KIAA2012: variants seen among roughly 807,000 people sequenced by gnomAD.
KIAA2012 encodes KIAA2012.
In KIAA2012, 125 loss-of-function variants were observed where a neutral mutation model predicts 150.6. That is an observed-to-expected ratio of 0.83 (90% CI 0.72 to 0.96). KIAA2012 has a LOEUF of 0.96. KIAA2012 is among the 40% of genes least tolerant of loss of function. The pLI is 0.00. For missense variants in KIAA2012, 1,219 were observed against 1,354.9 expected (o/e 0.90, Z 1.57); for synonymous variants, 462 against 504.7 (o/e 0.92, Z 1.13).
chr2:202,200,470 C>A (rs1014367636), intron 22 of KIAA2012, among the ~76,000 whole-genome samples: 1 of 151,866 alleles, frequency 6.6e-6, no homozygotes, highest in African/African-American at 2.4e-5. Context: ...TTATGAAAGA[C>A]TAGTTAAAAG....
chr2:202,113,763 A>G lies in KIAA2012; in HGVS notation c.1762+317A>G, dbSNP rs571528430. The stretch of plus-strand genomic sequence containing the variant: ...CTTTTGGTATTTGCCCAAACTAAAC[A>G]CTGCCTTTTCTCTTCTTTCCAACCA... On this transcript the variant is annotated intron_variant, in intron 11 of 23. Coordinates refer to ENST00000498697, the MANE Select transcript of KIAA2012 (RefSeq NM_001277372.4). 10 of 253,268 alleles carry G rather than the reference A, an allele frequency of 3.9e-5. No individual in the cohort carries two copies. In the South Asian group the frequency reaches 6.3e-4, roughly 16 times the overall value. 15.7% of individuals were successfully genotyped at this position (253,268 alleles called of 1,614,324 possible). A position where few individuals can be genotyped will look rare whatever the true frequency, so the allele number is the denominator to read the frequency against.
rs1472743791 is a variant in KIAA2012 at position 202,086,826 on chromosome 2, G to A, written c.370-3944G>A. 3.3e-5 allele frequency among the ~76,000 whole-genome samples: 5 copies of A among 152,136 alleles called. No homozygotes were observed. In the South Asian group the frequency reaches 8.3e-4, roughly 25 times the overall value. On this transcript the variant is annotated intron_variant, in intron 2 of 23. Transcript: ENST00000498697. ...GTCTCCTTCCCACTCTGCTGCTTGTGCATTTTGGGCTCACTTGATGTGATT... is the reference window on the plus strand; with the variant it reads ...GTCTCCTTCCCACTCTGCTGCTTGTACATTTTGGGCTCACTTGATGTGATT...
chr2:202,091,696 T>G (rs950713357), intron 3 of KIAA2012, among the ~76,000 whole-genome samples: 4 of 152,216 alleles, frequency 2.6e-5, no homozygotes, highest in African/African-American at 9.6e-5. Flanking sequence ...AATTCAAACT[T>G]AACTGGACAT....
At chr2:202,158,127 T>C (rs1482909455) in intron 14 of KIAA2012, among the ~76,000 whole-genome samples, 1 of 152,172 alleles carries the variant, frequency 6.6e-6, no homozygotes, top group Non-Finnish European at 1.5e-5. Flanking sequence ...CCCAAGTAGC[T>C]GGGACTACAG....
At chr2:202,139,956 G>A (rs768411847) in intron 13 of KIAA2012, among the ~76,000 whole-genome samples, 13 of 152,162 alleles carry the variant, frequency 8.5e-5, no homozygotes, top group Non-Finnish European at 2.9e-5. Flanking sequence ...TCAGCCAGGT[G>A]CAGTGGCTCA....
chr2:202,174,272 A>T (rs1327992976), intron 15 of KIAA2012, among the ~76,000 whole-genome samples: 1 of 152,172 alleles, frequency 6.6e-6, no homozygotes, highest in Non-Finnish European at 1.5e-5. Flanking sequence ...GCCAAGAAGC[A>T]TTCTCTTTAG....
At chr2:202,168,998 C>T (rs1252520123) in intron 15 of KIAA2012, among the ~76,000 whole-genome samples, 2 of 152,070 alleles carry the variant, frequency 1.3e-5, no homozygotes, top group Non-Finnish European at 2.9e-5. Flanking sequence ...CTAACAAAGG[C>T]CAAAGTAAAG....
intron 15 of KIAA2012, among the ~76,000 whole-genome samples, chr2:202,167,533 A>T (rs906915074): frequency 1.3e-5 from 2 of 152,218 alleles, no homozygotes; most frequent in African/African-American, 4.8e-5. Flanking sequence ...TTTTAAAAAC[A>T]GTAGGAAGGA....
chr2:202,109,014 A>C (rs960883085), intron 9 of KIAA2012, among the ~76,000 whole-genome samples: 5 of 152,208 alleles, frequency 3.3e-5, no homozygotes, highest in African/African-American at 1.2e-4. Context: ...AGCAGAGTGT[A>C]GGGTATGCTC....
intron 12 of KIAA2012, among the ~76,000 whole-genome samples, chr2:202,126,513 G>A (rs1298549435): frequency 6.6e-6 from 1 of 152,090 alleles, no homozygotes. Flanking sequence ...ACATCCTGAC[G>A]AAGGTAGAAA....
intron 2 of KIAA2012, among the ~76,000 whole-genome samples, chr2:202,085,083 G>A (rs1476486931): frequency 6.6e-6 from 1 of 152,210 alleles, no homozygotes. Flanking sequence ...TCCTCGGTTA[G>A]CCCTAAGCAG....
chr2:202,165,499 A>G, intron 15 of KIAA2012, 143 bp downstream of exon 15: 6 of 724,240 alleles, frequency 8.3e-6, no homozygotes, highest in South Asian at 1.8e-5. Context: ...AGGCGGGTGG[A>G]TCACCTGAGG....
chr2:202,181,268 C>A (rs1358912547), intron 15 of KIAA2012, among the ~76,000 whole-genome samples: 1 of 152,184 alleles, frequency 6.6e-6, no homozygotes, highest in Admixed American at 6.5e-5. Flanking sequence ...CCACATCTAG[C>A]CTAAAATCAT....
At chr2:202,185,828 A>T (rs181554755) in intron 16 of KIAA2012, among the ~76,000 whole-genome samples, 1 of 152,300 alleles carries the variant, frequency 6.6e-6, no homozygotes, top group East Asian at 1.9e-4. Flanking sequence ...CAAGCACTAA[A>T]TTCTAAAGGA....
At chr2:202,102,531 C>T (rs1451937371) in intron 7 of KIAA2012, among the ~76,000 whole-genome samples, 2 of 152,178 alleles carry the variant, frequency 1.3e-5, no homozygotes, top group Non-Finnish European at 2.9e-5. Flanking sequence ...ATTTCCTGCA[C>T]CTTCTTAGTG....
rs1329171056 is a variant in KIAA2012, at chr2:202,113,074, G to C, written c.1652-262G>C. Among the ~76,000 whole-genome samples, 5 of 152,148 alleles carry C rather than the reference G, an allele frequency of 3.3e-5. No individual in the cohort carries two copies. In the East Asian group the frequency reaches 9.6e-4, roughly 29 times the overall value. ...TTAGCCCTGCCCCTGAGGTAGCCAG[G>C]CTCTCCTGAAGGCATGATGTAGGCA... On this transcript the variant is annotated intron_variant, in intron 10 of 23. Transcript: ENST00000498697.
intron 12 of KIAA2012, among the ~76,000 whole-genome samples, chr2:202,132,736 T>C (rs1383445550): frequency 1.1e-5 from 1 of 88,888 alleles, no homozygotes; most frequent in Admixed American, 1.4e-4. Context: ...ATAGTATATA[T>C]GTATATATAT....
chr2:202,100,533 G>A (rs1460719671), intron 7 of KIAA2012, 84 bp downstream of exon 7: 2 of 1,423,008 alleles, frequency 1.4e-6, no homozygotes, highest in African/African-American at 1.4e-5. Flanking sequence ...TAGAAATAAG[G>A]TGACTCGAAA....
chr2:202,108,084 C>T (rs1056502031), intron 9 of KIAA2012, among the ~76,000 whole-genome samples: 6 of 152,156 alleles, frequency 3.9e-5, no homozygotes, highest in Non-Finnish European at 7.3e-5. Context: ...CCCTGCTGCA[C>T]GGGCATATTG....
Sources: gnomAD v4.1 joint callset for allele counts (sites outside exome capture counted in the v4.1 genomes callset) on GRCh38, gnomAD v4.1.1 for gene constraint, MANE v1.5 for transcripts, NCBI Gene and HGNC (gene_info 2026-07-23, HGNC 2026-07-21) for gene names.